Variants in ANKRD28 observed in about 807,000 individuals in gnomAD.
ANKRD28 encodes serine/threonine-protein phosphatase 6 regulatory ankyrin repeat subunit A.
ANKRD28 carries 44 observed loss-of-function variants against 126.5 expected under a neutral mutation model. That is an observed-to-expected ratio of 0.35 (90% CI 0.27 to 0.45). The LOEUF (loss-of-function observed/expected upper bound fraction) is 0.45. Among genes scored for constraint, ANKRD28 ranks in the 20% least tolerant of loss-of-function variants. The pLI, the probability that ANKRD28 is intolerant of heterozygous loss-of-function variation, is 1.00. For missense variants in ANKRD28, 1,110 were observed against 1,316.6 expected (o/e 0.84, Z 2.43); for synonymous variants, 442 against 468.5 (o/e 0.94, Z 0.73).
chr3:15,750,004 T>A (rs2057763330), intron 4 of ANKRD28, among the ~76,000 whole-genome samples: 1 of 152,224 alleles, frequency 6.6e-6, no homozygotes, highest in Non-Finnish European at 1.5e-5. Flanking sequence ...CTTACTAGGA[T>A]TATTTGCTTT....
intron 6 of ANKRD28, 31 bp downstream of exon 6, chr3:15,735,379 A>G (rs1444351522): frequency 1.4e-6 from 2 of 1,469,962 alleles, no homozygotes; most frequent in South Asian, 2.6e-5. Context: ...TAAATATATA[A>G]TATCAAAAAC....
At chr3:15,792,440 T>C (rs764512465) in intron 2 of ANKRD28, among the ~76,000 whole-genome samples, 2 of 152,122 alleles carry the variant, frequency 1.3e-5, no homozygotes, top group Non-Finnish European at 2.9e-5. Context: ...TGGAGATCAT[T>C]ATGTTAACCG....
chr3:15,819,947 A>T (rs1300876720), intron 1 of ANKRD28, among the ~76,000 whole-genome samples: 1 of 152,230 alleles, frequency 6.6e-6, no homozygotes, highest in Non-Finnish European at 1.5e-5. Flanking sequence ...CTGAGTTAAT[A>T]AAATATTTCC....
intron 21 of ANKRD28, chr3:15,683,870 T>C (rs765537768): frequency 1.3e-5 from 2 of 152,196 alleles, no homozygotes; most frequent in African/African-American, 2.4e-5. Flanking sequence ...TATAGAAAGA[T>C]AGGAAATCTC....
chr3:15,676,026 C>T, intron 26 of ANKRD28, 37 bp from the exon 27 acceptor site: 10 of 1,503,426 alleles, frequency 6.7e-6, no homozygotes, highest in Non-Finnish European at 9.2e-6. Flanking sequence ...CACATATGTG[C>T]ATGTGCATGC....
At chr3:15,726,508 C>T (rs1007286007) in intron 6 of ANKRD28, among the ~76,000 whole-genome samples, 7 of 152,186 alleles carry the variant, frequency 4.6e-5, no homozygotes, top group Non-Finnish European at 8.8e-5. Context: ...TTCTTCAATT[C>T]TATGAAGGCT....
intron 2 of ANKRD28, among the ~76,000 whole-genome samples, chr3:15,791,069 A>C (rs990218343): frequency 4.6e-5 from 7 of 152,130 alleles, no homozygotes; most frequent in African/African-American, 1.7e-4. Context: ...GAATTAACCA[A>C]AGAAGTAAAA....
At chr3:15,765,396 G>A (rs908738453) in intron 3 of ANKRD28, among the ~76,000 whole-genome samples, 2 of 152,090 alleles carry the variant, frequency 1.3e-5, no homozygotes, top group Non-Finnish European at 2.9e-5. Context: ...AAATCTTACT[G>A]GCATTGCCTT....
At chr3:15,826,731 G>A (rs577448798) in intron 1 of ANKRD28, among the ~76,000 whole-genome samples, 3 of 152,260 alleles carry the variant, frequency 2.0e-5, no homozygotes, top group South Asian at 2.1e-4. Context: ...ATCACTGATT[G>A]GTCTGAGTGT....
chr3:15,762,191 AAAAAAAAAAAAAAAAAAAAAAACAAAAC>A (rs869094214), intron 3 of ANKRD28, among the ~76,000 whole-genome samples: 7,130 of 47,302 alleles, frequency 0.15, 245 homozygotes, highest in African/African-American at 0.17. Context: ...ATGTCTTTAA[AAAAAAAAAAAAAAAAAAAAAAACAAAAC>A]AAAAAAAAAA....
At chr3:15,765,133 TC>T (rs2125540281) in intron 3 of ANKRD28, among the ~76,000 whole-genome samples, 1 of 152,256 alleles carries the variant, frequency 6.6e-6, no homozygotes, top group East Asian at 1.9e-4. Context: ...ATGACATATA[TC>T]CTTTCCCAAT....
intron 11 of ANKRD28, among the ~76,000 whole-genome samples, chr3:15,711,843 C>T (rs2470515): frequency 0.47 from 71,200 of 151,516 alleles, 19,631 homozygotes; most frequent in Middle Eastern, 0.61. Context: ...CTCACCACCA[C>T]GCCCAGCTAA....
At chr3:15,811,376 ATT>A (rs778370609) in intron 1 of ANKRD28, among the ~76,000 whole-genome samples, 7 of 152,240 alleles carry the variant, frequency 4.6e-5, no homozygotes, top group Non-Finnish European at 1.0e-4. Flanking sequence ...TGAAAATAGT[ATT>A]TGTGAAATAA....
At chr3:15,678,600 T>C (rs1467620206) in intron 23 of ANKRD28, among the ~76,000 whole-genome samples, 2 of 152,090 alleles carry the variant, frequency 1.3e-5, no homozygotes, top group Admixed American at 6.6e-5. Flanking sequence ...AATTACAAAA[T>C]TGCTAAAATA....
At chr3:15,703,437 G>A (rs2070907839) in intron 14 of ANKRD28, among the ~76,000 whole-genome samples, 1 of 152,202 alleles carries the variant, frequency 6.6e-6, no homozygotes, top group South Asian at 2.1e-4. Context: ...ATTAGGTCAA[G>A]AGGGCAGAGC....
intron 3 of ANKRD28, among the ~76,000 whole-genome samples, chr3:15,757,707 G>A (rs1305569531): frequency 6.6e-6 from 1 of 152,050 alleles, no homozygotes; most frequent in African/African-American, 2.4e-5. Flanking sequence ...CAAATCTTCT[G>A]GCATCACGAT....
chr3:15,670,435 G>C lies in ANKRD28; in HGVS notation c.3087C>G (p.Ala1029=). The C allele has an allele frequency of 6.2e-7, 1 of 1,613,940 alleles. No individual in the cohort carries two copies. The highest frequency in any genetic ancestry group is 8.5e-7 in the Non-Finnish European group (1 of 1,179,866). ...SSPLSSLTFN[A]INRYTNTSKT... ...TTGAGGTGTTGGTATAACGGTTAAT[G>C]GCATTGAATGTTAAGGATGATAAAG... The change falls in exon 28 of 28, where the codon GCC becomes GCG. Residue 1029 remains alanine (A), a synonymous_variant. Coordinates refer to ENST00000683139, the MANE Select transcript of ANKRD28 (RefSeq NM_001349278.2).
chr3:15,857,858 A>G (rs1483931316), intron 1 of ANKRD28, among the ~76,000 whole-genome samples: 1 of 152,274 alleles, frequency 6.6e-6, no homozygotes, highest in African/African-American at 2.4e-5. Context: ...CTAGAAACAA[A>G]GGAAAACATC....
At chr3:15,700,238 G>A (rs926854975) in intron 14 of ANKRD28, among the ~76,000 whole-genome samples, 1 of 152,140 alleles carries the variant, frequency 6.6e-6, no homozygotes, top group Non-Finnish European at 1.5e-5. Flanking sequence ...TTAAGTGGAA[G>A]TTGAGCAATG....
Sources: gnomAD v4.1 joint callset for allele counts (sites outside exome capture counted in the v4.1 genomes callset) on GRCh38, gnomAD v4.1.1 for gene constraint, MANE v1.5 for transcripts, NCBI Gene and HGNC (gene_info 2026-07-23, HGNC 2026-07-21) for gene names.